The following ASCC1 variants were observed in gnomAD, a reference collection of about 807,000 sequenced individuals.
ASCC1 encodes the protein activating signal cointegrator 1 complex subunit 1, also known as ASC-1 complex subunit P50.
ASCC1 carries 35 observed loss-of-function variants against 46.6 expected under a neutral mutation model. That is an observed-to-expected ratio of 0.75 (90% confidence interval 0.57 to 0.99). ASCC1 has a LOEUF of 0.99. Ranked by LOEUF, ASCC1 falls within the 50% of genes least tolerant of loss-of-function variation. The pLI, the probability that ASCC1 is intolerant of heterozygous loss-of-function variation, is 0.00. For synonymous variants in ASCC1, 143 were observed against 146.6 expected, an observed-to-expected ratio of 0.98 and a Z score of 0.18; for missense variants, 376 against 428.7, an observed-to-expected ratio of 0.88 and a Z score of 1.09.
intron 9 of ASCC1, among the ~76,000 whole-genome samples, chr10:72,120,379 A>G (rs1475746094): frequency 6.6e-6 from 1 of 152,194 alleles, no homozygotes; most frequent in Non-Finnish European, 1.5e-5. Context: ...ACTGAAAAGC[A>G]GAGAACAAAG....
intron 1 of ASCC1, among the ~76,000 whole-genome samples, chr10:72,214,372 T>TC: frequency 7.1e-6 from 1 of 141,460 alleles, no homozygotes. Flanking sequence ...TATCTCTTTT[T>TC]TTTTTTTTTT....
chr10:72,128,053 A>G, intron 9 of ASCC1, 29 bp downstream of exon 9: 1 of 1,558,532 alleles, frequency 6.4e-7, no homozygotes, highest in Admixed American at 1.7e-5. Flanking sequence ...GTGCCAAAGG[A>G]TTTCCAATTC....
At chr10:72,152,195 GTT>G (rs200836712) in intron 7 of ASCC1, among the ~76,000 whole-genome samples, 2 of 140,392 alleles carry the variant, frequency 1.4e-5, no homozygotes. Context: ...TGTTTTTTGT[GTT>G]TTTTTTTTGT....
chr10:72,099,733 T>A (rs961652668), intron 9 of ASCC1, among the ~76,000 whole-genome samples: 1 of 151,692 alleles, frequency 6.6e-6, no homozygotes, highest in Non-Finnish European at 1.5e-5. Flanking sequence ...GGGAGGAGAA[T>A]CGCTTGAACC....
chr10:72,170,593 CAA>C (rs1038487604), intron 5 of ASCC1, among the ~76,000 whole-genome samples: 10 of 58,870 alleles, frequency 1.7e-4, no homozygotes, highest in Admixed American at 4.2e-4. Context: ...GACTGTATCT[CAA>C]AAAAAAAAAA....
At chr10:72,121,670 TGATAAA>T (rs912440253) in intron 9 of ASCC1, among the ~76,000 whole-genome samples, 1 of 152,180 alleles carries the variant, frequency 6.6e-6, no homozygotes, top group African/African-American at 2.4e-5. Flanking sequence ...CAATACATAA[TGATAAA>T]AAGATCAACT....
Position 72,117,702 on chromosome 10 carries a change from A to G in ASCC1, c.957+10380T>C, listed in dbSNP as rs184544349. Among the ~76,000 whole-genome samples the G allele has an allele frequency of 2.0e-5, 3 of 152,334 alleles. No individual in the cohort carries two copies. The East Asian group carries it at 5.8e-4, about 29-fold the overall frequency. On this transcript the variant is annotated intron_variant, in intron 9 of 9. Transcript: ENST00000672957. ...ATATCTGTTTCACTAACAATTGTCT[A>G]CTTCACATGATTGTCAAGAATAATG... is the stretch of plus-strand genomic sequence containing the variant.
chr10:72,114,623 C>CAAAAA (rs34531262), intron 9 of ASCC1, among the ~76,000 whole-genome samples: 5 of 94,502 alleles, frequency 5.3e-5, no homozygotes, highest in South Asian at 3.4e-4. Flanking sequence ...GACTCCGTCT[C>CAAAAA]AAAAAAAAAA....
intron 9 of ASCC1, among the ~76,000 whole-genome samples, chr10:72,098,448 C>A (rs1841350335): frequency 1.3e-5 from 2 of 152,234 alleles, no homozygotes; most frequent in African/African-American, 4.8e-5. Context: ...ATGGCCTCAA[C>A]TCCTAAACTC....
chr10:72,159,126 A>G (rs1050422733), intron 6 of ASCC1: 2 of 152,222 alleles, frequency 1.3e-5, no homozygotes, highest in Admixed American at 6.5e-5. Context: ...TAAAAAGAGC[A>G]TCTTTAAACA....
chr10:72,129,025 C>T (rs924810225), intron 8 of ASCC1, among the ~76,000 whole-genome samples: 1 of 152,160 alleles, frequency 6.6e-6, no homozygotes, highest in Non-Finnish European at 1.5e-5. Context: ...CGTTATTTTA[C>T]TTTTATAAGT....
intron 5 of ASCC1, among the ~76,000 whole-genome samples, chr10:72,193,730 A>G (rs1854915238): frequency 6.6e-6 from 1 of 152,166 alleles, no homozygotes; most frequent in South Asian, 2.1e-4. Context: ...AATTCTTCAG[A>G]GGATAATTGG....
chr10:72,142,756 CTT>C (rs1290084200), intron 7 of ASCC1, among the ~76,000 whole-genome samples: 1 of 152,152 alleles, frequency 6.6e-6, no homozygotes, highest in African/African-American at 2.4e-5. Flanking sequence ...AGAGTAATGA[CTT>C]TTAAATACCT....
intron 5 of ASCC1, 49 bp downstream of exon 5, chr10:72,196,762 T>C: frequency 1.9e-6 from 3 of 1,546,192 alleles, no homozygotes; most frequent in Non-Finnish European, 2.6e-6. Context: ...TTTTGTATTC[T>C]TTTTATATTT....
chr10:72,189,468 T>TGAAGAACTCAAAATCA (rs1854057402), intron 5 of ASCC1, among the ~76,000 whole-genome samples: 1 of 151,894 alleles, frequency 6.6e-6, no homozygotes, highest in African/African-American at 2.4e-5. Context: ...CCACATAGAC[T>TGAAGAACTCAAAATCA]GAAGAACTCA....
At chr10:72,204,297 A>G in intron 3 of ASCC1, 1 of 1,057,568 alleles carries the variant, frequency 9.5e-7, no homozygotes, top group South Asian at 1.6e-5. Flanking sequence ...AAATTAGAAT[A>G]TCTGAGGACT....
chr10:72,176,705 C>T (rs1180491701), intron 5 of ASCC1, among the ~76,000 whole-genome samples: 1 of 152,128 alleles, frequency 6.6e-6, no homozygotes, highest in African/African-American at 2.4e-5. Context: ...CACACAAGAG[C>T]TTTCACAACT....
At chr10:72,216,890 G>C (rs1280589678), upstream of ASCC1, 2 of 456,096 alleles carry the variant, frequency 4.4e-6, no homozygotes, top group East Asian at 1.4e-4. Flanking sequence ...GGGCACCTCC[G>C]GTGGGCCTGG....
At chr10:72,201,312 C>A (rs1220424247) in intron 4 of ASCC1, among the ~76,000 whole-genome samples, 1 of 152,100 alleles carries the variant, frequency 6.6e-6, no homozygotes, top group Non-Finnish European at 1.5e-5. Flanking sequence ...TGTCCCCAGT[C>A]AAGGTGATTA....
Sources: gnomAD v4.1 joint callset for allele counts (sites outside exome capture counted in the v4.1 genomes callset) on GRCh38, gnomAD v4.1.1 for gene constraint, MANE v1.5 for transcripts, NCBI Gene and HGNC (gene_info 2026-07-23, HGNC 2026-07-21) for gene names.